Variants in NBAS observed in about 807,000 individuals in gnomAD.
The protein encoded by NBAS is NBAS subunit of NRZ tethering complex.
NBAS carries 219 observed loss-of-function variants against 302.5 expected under a neutral mutation model. The observed-to-expected ratio is 0.72, with a 90% CI of 0.65 to 0.81. NBAS has a LOEUF of 0.81. NBAS is among the 30% of genes least tolerant of loss of function. The probability of loss-of-function intolerance (pLI) is 0.00; values close to 1 mark genes in which losing one functional copy is unlikely to be tolerated. For synonymous variants in NBAS, 1,118 were observed against 1,021.6 expected, an observed-to-expected ratio of 1.09 and a Z score of -1.80; for missense variants, 2,932 against 2,841.6, an observed-to-expected ratio of 1.03 and a Z score of -0.72.
chr2:15,553,796 C>CTTT (rs1558434766), intron 4 of NBAS, among the ~76,000 whole-genome samples: 49 of 135,020 alleles, frequency 3.6e-4, no homozygotes, highest in South Asian at 1.6e-3. Flanking sequence ...CTCCCTCCCT[C>CTTT]CCTCTCTCCC....
chr2:15,459,517 T>A (rs965851954), intron 21 of NBAS, among the ~76,000 whole-genome samples: 2 of 151,704 alleles, frequency 1.3e-5, no homozygotes, highest in African/African-American at 4.8e-5. Context: ...TTTTTTGAGA[T>A]GGAGTCTCGT....
At chr2:14,924,439 G>T in the NBAS span, among the ~76,000 whole-genome samples, 2 of 152,206 alleles carry the variant, frequency 1.3e-5, no homozygotes, top group Admixed American at 1.3e-4. Context: ...AGGCCTGCCT[G>T]CTAAGTCTGC....
rs148732155 is a variant in NBAS, at chr2:15,190,324, G to A, written c.6512C>T (p.Ala2171Val). 2.0e-5 allele frequency: 32 copies of A among 1,613,944 alleles called. No homozygotes were observed. The African/African-American group carries it at 4.1e-4, about 21-fold the overall frequency. ...MELLESSHHE[A>V]EFQHLVLLLQ... ...AAGTAAAACCAAGTGCTGAAATTCA[G>A]CCTCGTGGTGACTAGATTCCAGGAG... is the stretch of plus-strand genomic sequence containing the variant. The change falls in exon 49 of 52, where the codon GCT becomes GTT. Residue 2171 changes from alanine to valine, a missense_variant. By Grantham distance (64) the Ala-to-Val change is moderately conservative. Coordinates refer to ENST00000281513, the MANE Select transcript of NBAS (RefSeq NM_015909.4).
the NBAS span, among the ~76,000 whole-genome samples, chr2:15,071,701 T>C: frequency 6.7e-6 from 1 of 150,334 alleles, no homozygotes; most frequent in Non-Finnish European, 1.5e-5. Flanking sequence ...CTTTATATGG[T>C]AGCAAAGGAT....
the NBAS span, among the ~76,000 whole-genome samples, chr2:14,805,223 C>T: frequency 2.0e-5 from 3 of 152,172 alleles, no homozygotes; most frequent in Non-Finnish European, 4.4e-5. Flanking sequence ...TCCCAGTCAG[C>T]TTCCCAGAGG....
At chr2:15,538,056 A>G (rs1663605167) in intron 7 of NBAS, among the ~76,000 whole-genome samples, 1 of 152,228 alleles carries the variant, frequency 6.6e-6, no homozygotes, top group African/African-American at 2.4e-5. Context: ...AGCATAAACT[A>G]TCACATTAAT....
At chr2:15,426,135 T>C (rs1677463959) in intron 22 of NBAS, among the ~76,000 whole-genome samples, 1 of 152,210 alleles carries the variant, frequency 6.6e-6, no homozygotes, top group African/African-American at 2.4e-5. Context: ...CATATCTGAC[T>C]AGTGATTTTA....
At chr2:15,447,942 C>A (rs1328517809) in intron 21 of NBAS, among the ~76,000 whole-genome samples, 1 of 152,104 alleles carries the variant, frequency 6.6e-6, no homozygotes, top group African/African-American at 2.4e-5. Context: ...CAAGATAGTA[C>A]CATGTCACTG....
the NBAS span, among the ~76,000 whole-genome samples, chr2:15,104,825 T>C: frequency 1.3e-5 from 2 of 152,200 alleles, no homozygotes. Context: ...TTTTTTAATA[T>C]GTTTGTTGGC....
Position 15,193,574 on chromosome 2 carries a change from A to G in NBAS, c.6433-3171T>C, listed in dbSNP as rs189365243. On this transcript the variant is annotated intron_variant, in intron 48 of 51. Coordinates refer to ENST00000281513, the MANE Select transcript of NBAS (RefSeq NM_015909.4). Reference sequence around the variant, plus strand: ...GAATGTTAATATTATCTTCTTTATTACATCCTTTAAGATTTTTTGCAATAA... The same window carrying G: ...GAATGTTAATATTATCTTCTTTATTGCATCCTTTAAGATTTTTTGCAATAA... 1.6e-4 allele frequency among the ~76,000 whole-genome samples: 25 copies of G among 152,304 alleles called. No individual in the cohort carries two copies. The East Asian group carries it at 4.6e-3, about 28-fold the overall frequency.
chr2:15,498,020 G>A (rs1681131783), intron 11 of NBAS, among the ~76,000 whole-genome samples: 1 of 152,116 alleles, frequency 6.6e-6, no homozygotes, highest in Non-Finnish European at 1.5e-5. Flanking sequence ...TTTTCCCCTA[G>A]ATACACTATA....
chr2:15,387,605 T>C (rs772309076), intron 28 of NBAS, among the ~76,000 whole-genome samples: 1 of 151,536 alleles, frequency 6.6e-6, no homozygotes, highest in Non-Finnish European at 1.5e-5. Context: ...GCAACACATA[T>C]TAAAAAATGA....
intron 3 of NBAS, among the ~76,000 whole-genome samples, chr2:15,554,840 A>G (rs1441842633): frequency 1.3e-5 from 2 of 152,032 alleles, no homozygotes; most frequent in Admixed American, 1.3e-4. Context: ...CCAAGTCTGT[A>G]CTATATGTAA....
chr2:15,511,676 G>C (rs1662151954), intron 9 of NBAS, among the ~76,000 whole-genome samples: 1 of 152,176 alleles, frequency 6.6e-6, no homozygotes, highest in Non-Finnish European at 1.5e-5. Context: ...TAGATGTGTA[G>C]CCTCACCCAG....
At chr2:15,345,625 T>G (rs777987783) in intron 35 of NBAS, among the ~76,000 whole-genome samples, 1 of 152,160 alleles carries the variant, frequency 6.6e-6, no homozygotes, top group Non-Finnish European at 1.5e-5. Context: ...AAACTACCAC[T>G]GACATTCTTC....
At chr2:15,375,992 T>C (rs552044492) in intron 30 of NBAS, among the ~76,000 whole-genome samples, 2 of 152,260 alleles carry the variant, frequency 1.3e-5, no homozygotes, top group South Asian at 4.1e-4. Flanking sequence ...GAGGTAACAT[T>C]TAATCAAATG....
the NBAS span, among the ~76,000 whole-genome samples, chr2:14,804,872 G>A: frequency 6.6e-6 from 1 of 152,162 alleles, no homozygotes; most frequent in African/African-American, 2.4e-5. Flanking sequence ...AGGCCTAAAA[G>A]ATATTTAAAA....
At chr2:15,231,226 C>T (rs1486640719) in intron 47 of NBAS, among the ~76,000 whole-genome samples, 3 of 152,166 alleles carry the variant, frequency 2.0e-5, no homozygotes, top group African/African-American at 7.2e-5. Context: ...ACTGCTACAG[C>T]GACTTTCCTA....
chr2:14,821,740 C>T, the NBAS span, among the ~76,000 whole-genome samples: 26 of 152,142 alleles, frequency 1.7e-4, no homozygotes, highest in East Asian at 3.5e-3. Context: ...GGGCTGGGCG[C>T]GATGGCTTAC....
Sources: allele counts gnomAD v4.1 joint callset (sites outside exome capture counted in the v4.1 genomes callset), GRCh38; gene constraint gnomAD v4.1.1; transcripts MANE v1.5; gene names NCBI Gene and HGNC (gene_info 2026-07-23, HGNC 2026-07-21).